SGCZ: variants seen among roughly 807,000 people sequenced by gnomAD.
The protein encoded by SGCZ is zeta-sarcoglycan.
In SGCZ, 40 loss-of-function variants were observed where a neutral mutation model predicts 41.3. The ratio of observed to expected loss-of-function variants is 0.97; its 90% CI spans 0.75 to 1.26. SGCZ has a LOEUF of 1.26. Ranked by LOEUF, SGCZ falls within the 50% of genes most tolerant of loss-of-function variation. The probability of loss-of-function intolerance (pLI) is 0.00; values close to 1 mark genes in which losing one functional copy is unlikely to be tolerated. For missense variants in SGCZ, 552 were observed against 369.8 expected (o/e 1.49, Z -4.04); for synonymous variants, 206 against 137.5 (o/e 1.50, Z -3.49).
chr8:14,971,645 C>CTTT lies in SGCZ; in HGVS notation c.39+265937_39+265939dup, dbSNP rs11456903. Among the ~76,000 whole-genome samples the CTTT allele has an allele frequency of 4.5e-3, 515 of 114,654 alleles. 15 individuals carry two copies. In the East Asian group the frequency reaches 0.066, roughly 15 times the overall value. 75.2% of individuals were successfully genotyped at this position (114,654 alleles called of 152,430 possible). The stretch of plus-strand genomic sequence containing the variant: ...CATGAGGCATTACTCATTTTATATA[C>CTTT]TTTTTTTTTTTTTTTTTTTTAATGC... On this transcript the variant is annotated intron_variant, in intron 1 of 7. Coordinates refer to ENST00000382080, the MANE Select transcript of SGCZ (RefSeq NM_139167.4).
chr8:14,497,718 T>C (rs1802032590), intron 2 of SGCZ, among the ~76,000 whole-genome samples: 1 of 152,050 alleles, frequency 6.6e-6, no homozygotes, highest in Non-Finnish European at 1.5e-5. Flanking sequence ...GCTAAACCGT[T>C]CATAAGGGAT....
intron 3 of SGCZ, among the ~76,000 whole-genome samples, chr8:14,283,442 T>A (rs1800517969): frequency 6.6e-6 from 1 of 152,156 alleles, no homozygotes; most frequent in Non-Finnish European, 1.5e-5. Context: ...ATTTCCTACT[T>A]AGAAAAATGT....
At chr8:14,596,855 CAG>C (rs1482188188) in intron 1 of SGCZ, among the ~76,000 whole-genome samples, 3 of 151,934 alleles carry the variant, frequency 2.0e-5, no homozygotes, top group Non-Finnish European at 4.4e-5. Context: ...AATAAAGAAA[CAG>C]AATTTTTTTA....
intron 3 of SGCZ, among the ~76,000 whole-genome samples, chr8:14,281,566 C>T (rs1384036437): frequency 6.6e-6 from 1 of 151,916 alleles, no homozygotes; most frequent in African/African-American, 2.4e-5. Flanking sequence ...TTGGGGGCCT[C>T]CAATTTATAG....
intron 3 of SGCZ, among the ~76,000 whole-genome samples, chr8:14,267,395 G>T (rs1203803513): frequency 6.6e-6 from 1 of 152,030 alleles, no homozygotes; most frequent in Non-Finnish European, 1.5e-5. Flanking sequence ...CAGCCTACTA[G>T]TGCCACTGCT....
At chr8:14,347,448 TTA>T (rs752614141) in intron 2 of SGCZ, among the ~76,000 whole-genome samples, 93 of 152,196 alleles carry the variant, frequency 6.1e-4, no homozygotes, top group Admixed American at 1.4e-3. Flanking sequence ...AGGAAAAAAG[TTA>T]TGTTCTTCAG....
At chr8:14,637,083 C>T (rs1247240726) in intron 1 of SGCZ, among the ~76,000 whole-genome samples, 1 of 151,368 alleles carries the variant, frequency 6.6e-6, no homozygotes, top group East Asian at 1.9e-4. Context: ...GTGTTTCACT[C>T]TCTCCACCTA....
At chr8:14,576,062 T>C (rs1039819750) in intron 1 of SGCZ, among the ~76,000 whole-genome samples, 8 of 152,108 alleles carry the variant, frequency 5.3e-5, no homozygotes, top group Non-Finnish European at 8.8e-5. Flanking sequence ...TCTATACGCA[T>C]GTAAGTCATG....
At chr8:15,062,506 A>T (rs1333123088) in intron 1 of SGCZ, among the ~76,000 whole-genome samples, 1 of 152,196 alleles carries the variant, frequency 6.6e-6, no homozygotes, top group Non-Finnish European at 1.5e-5. Flanking sequence ...TACAAATAGA[A>T]ATAGTCAAGT....
intron 1 of SGCZ, among the ~76,000 whole-genome samples, chr8:14,559,001 T>C (rs773575701): frequency 4.0e-4 from 61 of 152,192 alleles, no homozygotes; most frequent in Admixed American, 7.9e-4. Flanking sequence ...AAGCCATCTA[T>C]GACAAACCCT....
chr8:15,080,048 T>A (rs528303855), intron 1 of SGCZ, among the ~76,000 whole-genome samples: 23 of 152,296 alleles, frequency 1.5e-4, no homozygotes, highest in African/African-American at 4.3e-4. Flanking sequence ...CCATTTTTTT[T>A]ATCTTCTGTT....
intron 1 of SGCZ, among the ~76,000 whole-genome samples, chr8:14,793,831 G>A (rs1409433255): frequency 6.6e-6 from 1 of 152,080 alleles, no homozygotes; most frequent in Non-Finnish European, 1.5e-5. Flanking sequence ...TTTGAAAGAA[G>A]CTGAAATAGA....
At chr8:14,296,184 G>A (rs777529496) in intron 3 of SGCZ, among the ~76,000 whole-genome samples, 10 of 152,074 alleles carry the variant, frequency 6.6e-5, no homozygotes, top group Non-Finnish European at 1.0e-4. Context: ...GGAGACTAAC[G>A]TCCTGCAAAA....
intron 1 of SGCZ, among the ~76,000 whole-genome samples, chr8:14,894,181 C>T (rs1350590509): frequency 6.6e-6 from 1 of 152,054 alleles, no homozygotes; most frequent in Non-Finnish European, 1.5e-5. Flanking sequence ...GCAACTGCCT[C>T]ATAGTACTTA....
intron 2 of SGCZ, among the ~76,000 whole-genome samples, chr8:14,328,016 G>A (rs1468690672): frequency 1.3e-5 from 2 of 152,240 alleles, no homozygotes; most frequent in East Asian, 3.9e-4. Flanking sequence ...ACACCGTGTT[G>A]TAAATCTAAT....
intron 1 of SGCZ, among the ~76,000 whole-genome samples, chr8:15,172,163 T>TTATTTATTTA (rs796278887): frequency 1.0e-4 from 12 of 116,548 alleles, no homozygotes; most frequent in East Asian, 2.9e-4. Context: ...TGTTTTTTTT[T>TTATTTATTTA]TTTTTTTTTT....
chr8:14,943,252 C>T (rs755945251), intron 1 of SGCZ, among the ~76,000 whole-genome samples: 6 of 152,062 alleles, frequency 3.9e-5, no homozygotes, highest in South Asian at 2.1e-4. Flanking sequence ...TCTGAAAATG[C>T]GGCTATATAC....
At chr8:15,169,315 A>G (rs568910203) in intron 1 of SGCZ, among the ~76,000 whole-genome samples, 1 of 152,148 alleles carries the variant, frequency 6.6e-6, no homozygotes, top group Non-Finnish European at 1.5e-5. Context: ...CAGCCTGCCC[A>G]CTGAGGTGGG....
intron 1 of SGCZ, among the ~76,000 whole-genome samples, chr8:14,862,624 G>T (rs116201219): frequency 1.5e-5 from 2 of 137,442 alleles, no homozygotes; most frequent in African/African-American, 5.5e-5. Flanking sequence ...ATATATATGT[G>T]TTGCAAAAAA....
Sources: gnomAD v4.1 joint callset for allele counts (sites outside exome capture counted in the v4.1 genomes callset) on GRCh38, gnomAD v4.1.1 for gene constraint, MANE v1.5 for transcripts, NCBI Gene and HGNC (gene_info 2026-07-23, HGNC 2026-07-21) for gene names.